The following ANKRD17 variants were observed in gnomAD, a reference collection of about 807,000 sequenced individuals.
ANKRD17 encodes ankyrin repeat domain 17.
In ANKRD17, 19 loss-of-function variants were observed where a neutral mutation model predicts 229.7. That is an observed-to-expected ratio of 0.08 (90% CI 0.06 to 0.12). ANKRD17 has a LOEUF of 0.12. Ranked by LOEUF, ANKRD17 falls within the 10% of genes least tolerant of loss-of-function variation. ANKRD17 has a pLI of 1.00. For missense variants in ANKRD17, 2,176 were observed against 3,176.8 expected, an observed-to-expected ratio of 0.68 and a Z score of 7.57; for synonymous variants, 1,112 against 1,146.1, an observed-to-expected ratio of 0.97 and a Z score of 0.60.
intron 3 of ANKRD17, among the ~76,000 whole-genome samples, chr4:73,158,604 C>A (rs1164207680): frequency 6.6e-6 from 1 of 152,134 alleles, no homozygotes; most frequent in Non-Finnish European, 1.5e-5. Flanking sequence ...GCATATTTGT[C>A]CTCTCCAAAA....
Position 73,090,937 on chromosome 4 carries a change from G to T in ANKRD17, c.6691C>A (p.Gln2231Lys), listed in dbSNP as rs1449793330. The T allele has an allele frequency of 6.2e-7, 1 of 1,614,216 alleles. No individual in the cohort carries two copies. Among genetic ancestry groups the T allele is most frequent in the Admixed American group, 1.7e-5 (1 of 60,026 alleles). ...PSTLSTQSACQNSVHPANKPI... is the reference protein window; with the variant it reads ...PSTLSTQSACKNSVHPANKPI... Reference sequence around the variant, plus strand: ...TTATTTGCTGGATGTACTGAATTCTGACAAGCACTTTGTGTACTTAAGGTC... The same window carrying T: ...TTATTTGCTGGATGTACTGAATTCTTACAAGCACTTTGTGTACTTAAGGTC... Residue 2231 changes from glutamine (Q) to lysine (K), a missense_variant, in exon 29 of 34, where the codon CAG (glutamine) becomes AAG (lysine). Gln to Lys is a moderately conservative substitution (Grantham distance 53). Transcript: ENST00000358602.
chr4:73,088,093 G>A (rs1049113037), intron 29 of ANKRD17, among the ~76,000 whole-genome samples: 2 of 152,144 alleles, frequency 1.3e-5, no homozygotes, highest in African/African-American at 2.4e-5. Flanking sequence ...TGCTTATTCT[G>A]TCCTTAGATC....
At position 73,206,328 on chromosome 4, in the gene ANKRD17, G is replaced by A. The variant is rs150365814; in HGVS notation, c.394-28795C>T. Among the ~76,000 whole-genome samples the A allele has an allele frequency of 3.9e-3, 594 of 150,930 alleles. 4 individuals are homozygous for A. The highest frequency in any genetic ancestry group is 6.2e-3 in the Non-Finnish European group (418 of 67,794). On this transcript the variant is annotated intron_variant, in intron 1 of 33. Transcript: ENST00000358602. Reference sequence around the variant, plus strand: ...CCATTGTTCACAACCACCAAGATACGGAATAAACCGGAGTATCCATCAATG... The same window carrying A: ...CCATTGTTCACAACCACCAAGATACAGAATAAACCGGAGTATCCATCAATG...
At chr4:73,225,863 A>C in intron 1 of ANKRD17, among the ~76,000 whole-genome samples, 2 of 32,728 alleles carry the variant, frequency 6.1e-5, no homozygotes, top group Non-Finnish European at 1.1e-4. Flanking sequence ...CTCTGTCTCA[A>C]AAAAAAAAAA....
At position 73,112,602 on chromosome 4, in the gene ANKRD17, A is replaced by G. The variant is rs913701965; in HGVS notation, c.4401+1190T>C. 9 of 511,228 alleles carry G rather than the reference A, an allele frequency of 1.8e-5. No individual in the cohort carries two copies. In the African/African-American group the frequency reaches 1.9e-4, roughly 11 times the overall value. 31.7% of individuals were successfully genotyped at this position (511,228 alleles called of 1,614,324 possible). ...AATAGTATTTTCAAATTTAAATTAG[A>G]ATAAAGTACTTCAAATGATTCATAT... is the stretch of plus-strand genomic sequence containing the variant. On this transcript the variant is annotated intron_variant, in intron 24 of 33. Coordinates refer to ENST00000358602, the MANE Select transcript of ANKRD17 (RefSeq NM_032217.5).
In ANKRD17 at chr4:73,129,929, A is replaced by T. The variant is rs542173491; in HGVS notation, c.3235-4617T>A. Among the ~76,000 whole-genome samples, 49 of 150,126 alleles carry T rather than the reference A, an allele frequency of 3.3e-4. 1 individual carries two copies. In the South Asian group the frequency reaches 0.01, roughly 31 times the overall value. On this transcript the variant is annotated intron_variant, in intron 16 of 33. Coordinates refer to ENST00000358602, the MANE Select transcript of ANKRD17 (RefSeq NM_032217.5). Reference sequence around the variant, plus strand: ...AGGTGCCTGCCACCACGCCTGGCTAATTTTTTTTTGTATTTTTAGTAGAGA... The same window carrying T: ...AGGTGCCTGCCACCACGCCTGGCTATTTTTTTTTTGTATTTTTAGTAGAGA...
chr4:73,234,179 T>C (rs1200627301), intron 1 of ANKRD17, among the ~76,000 whole-genome samples: 1 of 152,176 alleles, frequency 6.6e-6, no homozygotes, highest in Admixed American at 6.5e-5. Flanking sequence ...GATTTACATA[T>C]GCAGACAGTT....
intron 1 of ANKRD17, among the ~76,000 whole-genome samples, chr4:73,231,297 A>T (rs965790960): frequency 8.5e-5 from 13 of 152,188 alleles, no homozygotes; most frequent in Non-Finnish European, 5.9e-5. Context: ...AGATAGCATC[A>T]AGGGCATGGA....
At position 73,092,350 on chromosome 4, in the gene ANKRD17, A is replaced by T. The variant is rs745822535; in HGVS notation, c.5328-50T>A. 14 of 1,467,558 alleles carry T rather than the reference A, an allele frequency of 9.5e-6. No homozygotes were observed. In the African/African-American group the frequency reaches 1.6e-4, roughly 16 times the overall value. The allele number at this position is 1,467,558 out of a possible 1,614,324, so 90.9% of individuals were successfully genotyped here. A position where few individuals can be genotyped will look rare whatever the true frequency, so the allele number is the denominator to read the frequency against. On this transcript the variant is annotated intron_variant, in intron 28 of 33. Transcript: ENST00000358602. Reference sequence around the variant, plus strand: ...GGTAGAATTTTCCCTACTTTTGAGTATGTAAAGTGTTTTTAATATGTATTT... The same window carrying T: ...GGTAGAATTTTCCCTACTTTTGAGTTTGTAAAGTGTTTTTAATATGTATTT...
chr4:73,117,417 G>A (rs1345915099), intron 22 of ANKRD17, among the ~76,000 whole-genome samples: 1 of 152,218 alleles, frequency 6.6e-6, no homozygotes, highest in Non-Finnish European at 1.5e-5. Flanking sequence ...GGGAGACACA[G>A]AAAGGTTCTT....
intron 1 of ANKRD17, among the ~76,000 whole-genome samples, chr4:73,215,265 A>ATT (rs201276889): frequency 5.8e-4 from 86 of 147,602 alleles, no homozygotes; most frequent in South Asian, 1.7e-3. Context: ...AGAAAATGTG[A>ATT]TTTTTTTTTT....
chr4:73,079,360 C>A (rs906661905), intron 30 of ANKRD17, among the ~76,000 whole-genome samples: 1 of 152,028 alleles, frequency 6.6e-6, no homozygotes, highest in South Asian at 2.1e-4. Flanking sequence ...AAAAGAAATA[C>A]GTTTCTTTGT....
chr4:73,244,004 G>A (rs887988353), intron 1 of ANKRD17, among the ~76,000 whole-genome samples: 2 of 152,064 alleles, frequency 1.3e-5, no homozygotes, highest in African/African-American at 4.8e-5. Context: ...CTGGGTGTCT[G>A]CAGATTTGTT....
intron 22 of ANKRD17, among the ~76,000 whole-genome samples, chr4:73,116,415 T>C (rs1725965047): frequency 6.6e-6 from 1 of 152,224 alleles, no homozygotes; most frequent in Non-Finnish European, 1.5e-5. Flanking sequence ...GATTATTCAC[T>C]GCAACACAAG....
At chr4:73,254,560 G>C (rs1400263858) in intron 1 of ANKRD17, among the ~76,000 whole-genome samples, 1 of 152,116 alleles carries the variant, frequency 6.6e-6, no homozygotes, top group East Asian at 1.9e-4. Flanking sequence ...CTGAGGTCAG[G>C]AGTTCAAGAC....
chr4:73,187,905 C>G (rs968232865), intron 1 of ANKRD17, among the ~76,000 whole-genome samples: 1 of 152,032 alleles, frequency 6.6e-6, no homozygotes, highest in Admixed American at 6.5e-5. Context: ...ACACCAGAGA[C>G]CAGTTTCATG....
chr4:73,229,117 A>T (rs551921834), intron 1 of ANKRD17, among the ~76,000 whole-genome samples: 2 of 152,104 alleles, frequency 1.3e-5, no homozygotes, highest in East Asian at 3.9e-4. Context: ...GGAACATCAC[A>T]CACCAGGGCC....
chr4:73,248,665 T>C (rs150737261), intron 1 of ANKRD17, among the ~76,000 whole-genome samples: 67 of 152,116 alleles, frequency 4.4e-4, no homozygotes, highest in African/African-American at 1.6e-3. Flanking sequence ...AATTCTATCA[T>C]TGTGCTAAGT....
chr4:73,227,430 G>C (rs933705584), intron 1 of ANKRD17, among the ~76,000 whole-genome samples: 1 of 152,110 alleles, frequency 6.6e-6, no homozygotes, highest in Non-Finnish European at 1.5e-5. Context: ...TGGGATTACA[G>C]GTGTGAGCCA....
Sources: allele counts gnomAD v4.1 joint callset (sites outside exome capture counted in the v4.1 genomes callset), GRCh38; gene constraint gnomAD v4.1.1; transcripts MANE v1.5; gene names NCBI Gene and HGNC (gene_info 2026-07-23, HGNC 2026-07-21).